LDAH: variants seen among roughly 807,000 people sequenced by gnomAD.
LDAH encodes the protein lipid droplet associated hydrolase.
A neutral mutation model predicts 29.6 loss-of-function variants in LDAH; 26 were observed. The observed-to-expected ratio is 0.88, with a 90% confidence interval of 0.64 to 1.22. The LOEUF is 1.22. Among genes scored for constraint, LDAH ranks in the 50% most tolerant of loss-of-function variants. The pLI, the probability that LDAH is intolerant of heterozygous loss-of-function variation, is 0.00. For synonymous variants in LDAH, 117 were observed against 133.0 expected (o/e 0.88, Z 0.83); for missense variants, 344 against 387.3 (o/e 0.89, Z 0.94).
chr2:20,750,932 TC>T (rs1667927115), intron 4 of LDAH, among the ~76,000 whole-genome samples: 1 of 152,222 alleles, frequency 6.6e-6, no homozygotes, highest in African/African-American at 2.4e-5. Context: ...CTGCATGTTC[TC>T]ACCTGCAAAA....
intron 5 of LDAH, among the ~76,000 whole-genome samples, chr2:20,714,481 C>T (rs1234609149): frequency 6.6e-6 from 1 of 152,052 alleles, no homozygotes; most frequent in Non-Finnish European, 1.5e-5. Flanking sequence ...ACTAGAGAAG[C>T]AAGAGCAAGC....
At chr2:20,735,728 T>A (rs879943657) in intron 5 of LDAH, among the ~76,000 whole-genome samples, 1 of 152,150 alleles carries the variant, frequency 6.6e-6, no homozygotes, top group Admixed American at 6.5e-5. Flanking sequence ...AGATGTTTTT[T>A]TCACTATGGC....
At chr2:20,755,119 G>A (rs1668242433) in intron 4 of LDAH, among the ~76,000 whole-genome samples, 1 of 93,790 alleles carries the variant, frequency 1.1e-5, no homozygotes, top group African/African-American at 4.8e-5. Flanking sequence ...GAAATATTGT[G>A]TGTCTGTGTT....
intron 5 of LDAH, among the ~76,000 whole-genome samples, chr2:20,730,311 A>G (rs941865651): frequency 6.6e-6 from 1 of 152,070 alleles, no homozygotes. Flanking sequence ...CAGTTTTCAC[A>G]TATCAGGGAT....
intron 6 of LDAH, among the ~76,000 whole-genome samples, chr2:20,694,965 C>T (rs1285136553): frequency 1.3e-5 from 2 of 152,236 alleles, no homozygotes; most frequent in African/African-American, 2.4e-5. Context: ...CTGGCGAGGC[C>T]CTCTGGCAAA....
intron 4 of LDAH, among the ~76,000 whole-genome samples, chr2:20,745,949 TA>T (rs1259281333): frequency 2.6e-5 from 4 of 152,044 alleles, no homozygotes; most frequent in African/African-American, 9.7e-5. Context: ...CAAAGGCAGT[TA>T]GGGGGTGAGC....
At chr2:20,733,436 G>A (rs998933799) in intron 5 of LDAH, among the ~76,000 whole-genome samples, 7 of 133,472 alleles carry the variant, frequency 5.2e-5, no homozygotes, top group East Asian at 2.1e-4. Flanking sequence ...ATCTTACTTC[G>A]TCTCCCAGGC....
rs913087068 is a variant in LDAH, at chr2:20,686,814, C to T, written c.*89G>A. On this transcript the variant is annotated 3_prime_UTR_variant, in exon 7 of 7. Coordinates refer to ENST00000237822, the MANE Select transcript of LDAH (RefSeq NM_021925.4). ...TTCTCACTTTCTTCATTTCTAATATCAGTCTTCAAAATTAAACATTTACCT... is the reference window on the plus strand; with the variant it reads ...TTCTCACTTTCTTCATTTCTAATATTAGTCTTCAAAATTAAACATTTACCT... 1 of 1,177,768 alleles carries T rather than the reference C, an allele frequency of 8.5e-7. No homozygotes were observed. The highest frequency in any genetic ancestry group is 1.2e-6 in the Non-Finnish European group (1 of 832,412). 73.0% of individuals were successfully genotyped at this position (1,177,768 alleles called of 1,614,324 possible).
At chr2:20,712,527 A>G (rs4971522) in intron 5 of LDAH, among the ~76,000 whole-genome samples, 36,820 of 152,168 alleles carry the variant, frequency 0.24, 4,941 homozygotes, top group East Asian at 0.36. Flanking sequence ...AAAGCTGGAC[A>G]GAGAATGACA....
intron 2 of LDAH, among the ~76,000 whole-genome samples, chr2:20,798,554 T>C (rs2125098381): frequency 6.7e-6 from 1 of 148,638 alleles, no homozygotes; most frequent in Non-Finnish European, 1.5e-5. Context: ...GGCTTAGCTA[T>C]GTATAATATA....
rs202075238 is a variant in LDAH at position 20,806,638 on chromosome 2, TA to T, written c.-2-5174del. ...AGCCAGAAAACCTTTTTAAAAATGT[TA>T]AAAAAAATCCATAACCACTGAAAGA... On this transcript the variant is annotated intron_variant, in intron 1 of 6. Coordinates refer to ENST00000237822, the MANE Select transcript of LDAH (RefSeq NM_021925.4). Among the ~76,000 whole-genome samples the T allele has an allele frequency of 4.1e-3, 622 of 151,734 alleles. 6 individuals carry two copies. The highest frequency in any genetic ancestry group is 0.014 in the African/African-American group (587 of 41,414).
chr2:20,715,187 C>G (rs1244727491), intron 5 of LDAH, among the ~76,000 whole-genome samples: 1 of 152,216 alleles, frequency 6.6e-6, no homozygotes, highest in Non-Finnish European at 1.5e-5. Flanking sequence ...CCTCCACGAT[C>G]AAGTTGGCTT....
At chr2:20,775,911 A>G in intron 3 of LDAH, among the ~76,000 whole-genome samples, 1 of 152,168 alleles carries the variant, frequency 6.6e-6, no homozygotes, top group Non-Finnish European at 1.5e-5. Flanking sequence ...TCCTGTGACT[A>G]GTACACAGCA....
chr2:20,750,118 T>C (rs551486014), intron 4 of LDAH, among the ~76,000 whole-genome samples: 2 of 149,740 alleles, frequency 1.3e-5, no homozygotes, highest in East Asian at 4.0e-4. Context: ...CACCACCTCC[T>C]GGGTTCAGGC....
intron 5 of LDAH, among the ~76,000 whole-genome samples, chr2:20,701,905 A>G (rs1365358599): frequency 6.6e-6 from 1 of 152,216 alleles, no homozygotes; most frequent in Non-Finnish European, 1.5e-5. Flanking sequence ...ACAGTGCCAC[A>G]GCCCAATGTC....
At chr2:20,815,926 C>T (rs927386179) in intron 1 of LDAH, among the ~76,000 whole-genome samples, 8 of 151,780 alleles carry the variant, frequency 5.3e-5, no homozygotes, top group Admixed American at 1.3e-4. Flanking sequence ...TTGAAGTAAA[C>T]GTTATAACAA....
At chr2:20,705,637 T>C (rs894228771) in intron 5 of LDAH, among the ~76,000 whole-genome samples, 9 of 152,094 alleles carry the variant, frequency 5.9e-5, no homozygotes, top group South Asian at 4.2e-4. Context: ...TATTGTCTAG[T>C]GGGGGAGAGA....
chr2:20,698,159 C>T lies in LDAH; in HGVS notation c.786+3411G>A. Among the ~76,000 whole-genome samples, 1 of 152,210 alleles carries T rather than the reference C, an allele frequency of 6.6e-6. No individual in the cohort carries two copies. The highest frequency in any genetic ancestry group is 1.9e-4 in the East Asian group (1 of 5,202). On this transcript the variant is annotated intron_variant, in intron 6 of 6. Transcript: ENST00000237822. This position sits in a 1 kb window ranked among gnomAD's most constrained non-coding sequence, Gnocchi z 4.4. ...ATGGCGTCCCCATCTATCCATCTGT[C>T]TAGCACATATTTACTGACTGTTTAC...
intron 5 of LDAH, among the ~76,000 whole-genome samples, chr2:20,726,129 T>C (rs1280882066): frequency 6.6e-6 from 1 of 152,212 alleles, no homozygotes; most frequent in East Asian, 1.9e-4. Context: ...CTGGGTGTTT[T>C]TGGTCACAGC....
Sources: allele counts gnomAD v4.1 joint callset (sites outside exome capture counted in the v4.1 genomes callset), GRCh38; gene constraint gnomAD v4.1.1; non-coding constraint Gnocchi (gnomAD v3.1); transcripts MANE v1.5; gene names NCBI Gene and HGNC (gene_info 2026-07-23, HGNC 2026-07-21).